The following RARB variants were observed in gnomAD, a reference collection of about 807,000 sequenced individuals.
RARB encodes retinoic acid receptor beta.
In RARB, 17 loss-of-function variants were observed where a neutral mutation model predicts 51.9. That is an observed-to-expected ratio of 0.33 (90% CI 0.22 to 0.49). The LOEUF is 0.49. Ranked by LOEUF, RARB falls within the 20% of genes least tolerant of loss-of-function variation. The pLI, the probability that RARB is intolerant of heterozygous loss-of-function variation, is 0.99. For missense variants in RARB, 369 were observed against 550.8 expected (o/e 0.67, Z 3.30); for synonymous variants, 215 against 195.4 (o/e 1.10, Z -0.84).
At chr3:25,329,476 A>G (rs1704826763) in intron 5 of RARB, among the ~76,000 whole-genome samples, 1 of 152,112 alleles carries the variant, frequency 6.6e-6, no homozygotes, top group Non-Finnish European at 1.5e-5. Context: ...TAATAAACAG[A>G]AAGGACATCC....
chr3:25,139,845 A>G (rs1201165086), intron 4 of RARB, among the ~76,000 whole-genome samples: 4 of 152,172 alleles, frequency 2.6e-5, no homozygotes, highest in African/African-American at 4.8e-5. Context: ...CTTTAAGCCA[A>G]TGCTCATTGA....
chr3:25,069,453 T>C (rs894444228), intron 3 of RARB, among the ~76,000 whole-genome samples: 1 of 152,216 alleles, frequency 6.6e-6, no homozygotes, highest in Non-Finnish European at 1.5e-5. Context: ...ACCAAATTTA[T>C]ATGCTGGATC....
chr3:25,580,350 G>A (rs1420101576), intron 4 of RARB, among the ~76,000 whole-genome samples, 196 bp from the exon 5 acceptor site: 1 of 152,204 alleles, frequency 6.6e-6, no homozygotes, highest in African/African-American at 2.4e-5. Context: ...CTCCAGCCTG[G>A]GTGACAGAGC....
chr3:24,892,546 A>G (rs7643830), intron 2 of RARB, among the ~76,000 whole-genome samples: 1,926 of 152,288 alleles, frequency 0.013, 42 homozygotes, highest in African/African-American at 0.045. Context: ...GGCTTTTGCA[A>G]ATTTGTCTGT....
Position 25,444,201 on chromosome 3 carries a change from A to C in RARB, c.157+15313A>C, listed in dbSNP as rs372721063. The stretch of plus-strand genomic sequence containing the variant: ...TGCAGACGCAGATTCCTAGGCACTG[A>C]GAGGTTCAAATACCTACCTTGAATC... On this transcript the variant is annotated intron_variant, in intron 1 of 7. Transcript: ENST00000330688. 3.9e-5 allele frequency among the ~76,000 whole-genome samples: 6 copies of C among 152,308 alleles called. No individual in the cohort carries two copies. In the South Asian group the frequency reaches 6.2e-4, roughly 16 times the overall value.
intron 5 of RARB, among the ~76,000 whole-genome samples, chr3:25,267,173 T>C (rs765991925): frequency 6.6e-6 from 1 of 152,220 alleles, no homozygotes; most frequent in African/African-American, 2.4e-5. Context: ...CAGGGAGATA[T>C]TCTGAAGACA....
chr3:25,409,752 C>T (rs1458687497), intron 5 of RARB, among the ~76,000 whole-genome samples: 1 of 152,208 alleles, frequency 6.6e-6, no homozygotes, highest in South Asian at 2.1e-4. Flanking sequence ...TGCAAGCCAA[C>T]TGAGCAACTC....
At chr3:24,971,928 G>A (rs190828907) in intron 2 of RARB, among the ~76,000 whole-genome samples, 2 of 151,970 alleles carry the variant, frequency 1.3e-5, no homozygotes, top group East Asian at 1.9e-4. Context: ...GGCTACATGT[G>A]ATAATTTGAT....
At chr3:25,272,687 G>T (rs1305588012) in intron 5 of RARB, among the ~76,000 whole-genome samples, 2 of 152,214 alleles carry the variant, frequency 1.3e-5, no homozygotes, top group Non-Finnish European at 2.9e-5. Flanking sequence ...GAGAACCACT[G>T]CCCTAAGGCC....
intron 3 of RARB, among the ~76,000 whole-genome samples, chr3:25,115,308 G>A (rs938425165): frequency 6.6e-6 from 1 of 152,186 alleles, no homozygotes; most frequent in Non-Finnish European, 1.5e-5. Flanking sequence ...TTAATTGGCA[G>A]TGTTTTCTTT....
chr3:25,123,566 C>A (rs140140399), intron 3 of RARB, among the ~76,000 whole-genome samples: 1 of 152,164 alleles, frequency 6.6e-6, no homozygotes, highest in African/African-American at 2.4e-5. Context: ...GTTGTATCAC[C>A]TTTTCTAATC....
chr3:25,145,705 C>T (rs1393833802), intron 4 of RARB, among the ~76,000 whole-genome samples: 1 of 151,962 alleles, frequency 6.6e-6, no homozygotes, highest in Non-Finnish European at 1.5e-5. Flanking sequence ...TCTTCTTATA[C>T]CTTGTCAAAA....
chr3:25,311,315 C>T (rs184177692), intron 5 of RARB, among the ~76,000 whole-genome samples: 44 of 152,274 alleles, frequency 2.9e-4, no homozygotes, highest in African/African-American at 6.7e-4. Context: ...GATTCTGAAC[C>T]GCCCTGTGTG....
chr3:24,994,527 T>C (rs1575110270), intron 2 of RARB, among the ~76,000 whole-genome samples: 1 of 152,182 alleles, frequency 6.6e-6, no homozygotes, highest in East Asian at 1.9e-4. Context: ...TTTTTGCTTT[T>C]TGTTGTCTGT....
intron 2 of RARB, among the ~76,000 whole-genome samples, chr3:25,465,808 G>C (rs1411106715): frequency 6.6e-6 from 1 of 151,522 alleles, no homozygotes; most frequent in Non-Finnish European, 1.5e-5. Flanking sequence ...ATGTTTAACA[G>C]TATAAAATAA....
At chr3:25,209,870 G>C (rs533041370) in intron 5 of RARB, among the ~76,000 whole-genome samples, 1 of 152,272 alleles carries the variant, frequency 6.6e-6, no homozygotes, top group East Asian at 1.9e-4. Context: ...TGATGTGACC[G>C]AAACTACTGC....
At chr3:25,337,999 A>G (rs1705113878) in intron 5 of RARB, among the ~76,000 whole-genome samples, 1 of 152,144 alleles carries the variant, frequency 6.6e-6, no homozygotes, top group South Asian at 2.1e-4. Flanking sequence ...CTCTACAAAC[A>G]TTCAACACTA....
intron 5 of RARB, among the ~76,000 whole-genome samples, chr3:25,321,713 T>A (rs1211605395): frequency 6.6e-6 from 1 of 151,710 alleles, no homozygotes; most frequent in Non-Finnish European, 1.5e-5. Context: ...TGAGACTCCA[T>A]CTCAAAAAAT....
chr3:25,354,440 AACATCC>A (rs1287467124), intron 5 of RARB, among the ~76,000 whole-genome samples: 1 of 152,038 alleles, frequency 6.6e-6, no homozygotes, highest in Non-Finnish European at 1.5e-5. Flanking sequence ...AACTTATATC[AACATCC>A]TCTTGGACCC....
Sources: allele counts gnomAD v4.1 joint callset (sites outside exome capture counted in the v4.1 genomes callset), GRCh38; gene constraint gnomAD v4.1.1; transcripts MANE v1.5; gene names NCBI Gene and HGNC (gene_info 2026-07-23, HGNC 2026-07-21).